The following FASTKD1 variants were observed in gnomAD, a reference collection of about 807,000 sequenced individuals.
FASTKD1 encodes the protein FAST kinase domain-containing protein 1, mitochondrial.
A neutral mutation model predicts 90.9 loss-of-function variants in FASTKD1; 94 were observed. The ratio of observed to expected loss-of-function variants is 1.03; its 90% CI spans 0.88 to 1.23. FASTKD1 has a LOEUF of 1.23. FASTKD1 is among the 50% of genes most tolerant of loss of function. FASTKD1 has a pLI of 0.00. For synonymous variants in FASTKD1, 319 were observed against 345.8 expected (o/e 0.92, Z 0.86); for missense variants, 945 against 993.5 (o/e 0.95, Z 0.66).
At chr2:169,557,742 CTAAGCACT>C (rs1683388208) in intron 5 of FASTKD1, among the ~76,000 whole-genome samples, 1 of 152,148 alleles carries the variant, frequency 6.6e-6, no homozygotes, top group Non-Finnish European at 1.5e-5. Context: ...ATCTCATATA[CTAAGCACT>C]TGATATAACA....
At position 169,560,883 on chromosome 2, in the gene FASTKD1, A is replaced by T. The variant is rs2105410677; in HGVS notation, c.573-98T>A. Reference sequence around the variant, plus strand: ...TTTTTTGTAGAAACAGAGTCTTGCTATGTTGCCAGGGCTGGTCTCAAACTC... The same window carrying T: ...TTTTTTGTAGAAACAGAGTCTTGCTTTGTTGCCAGGGCTGGTCTCAAACTC... On this transcript the variant is annotated intron_variant, in intron 4 of 14. Coordinates refer to ENST00000453153, the MANE Select transcript of FASTKD1 (RefSeq NM_024622.6). 1.2e-5 allele frequency: 12 copies of T among 981,946 alleles called. 1 individual carries two copies. The South Asian group carries it at 2.0e-4, about 16-fold the overall frequency. The allele number at this position is 981,946 out of a possible 1,614,324, so 60.8% of individuals were successfully genotyped here.
chr2:169,562,076 ATTAT>A (rs1683712090), intron 4 of FASTKD1, among the ~76,000 whole-genome samples: 2 of 133,608 alleles, frequency 1.5e-5, no homozygotes, highest in Admixed American at 8.0e-5. Context: ...TTGTAAAATA[ATTAT>A]TTATTAATTT....
intron 12 of FASTKD1, among the ~76,000 whole-genome samples, chr2:169,535,310 G>A (rs532230611): frequency 2.2e-4 from 33 of 151,778 alleles, no homozygotes; most frequent in African/African-American, 7.7e-4. Flanking sequence ...GCCTCCTAAT[G>A]GGACTACAGG....
At chr2:169,554,163 C>T (rs533778175) in intron 7 of FASTKD1, among the ~76,000 whole-genome samples, 33 of 148,464 alleles carry the variant, frequency 2.2e-4, no homozygotes, top group African/African-American at 3.2e-4. Context: ...GAGGCTGAGG[C>T]GGGAGGATCA....
At chr2:169,554,278 T>TAAAAAAAA (rs58641456) in intron 7 of FASTKD1, among the ~76,000 whole-genome samples, 2 of 29,782 alleles carry the variant, frequency 6.7e-5, no homozygotes, top group African/African-American at 3.3e-4. Flanking sequence ...ACCCTGTCTC[T>TAAAAAAAA]AAAAAAAAAA....
intron 2 of FASTKD1, among the ~76,000 whole-genome samples, chr2:169,569,875 T>C (rs1466826681): frequency 6.6e-6 from 1 of 151,984 alleles, no homozygotes; most frequent in Non-Finnish European, 1.5e-5. Context: ...AAAATATTTT[T>C]ATAAGAAAAT....
chr2:169,563,122 G>A (rs1202041880), intron 4 of FASTKD1, 103 bp downstream of exon 4: 1 of 1,140,816 alleles, frequency 8.8e-7, no homozygotes, highest in Non-Finnish European at 1.2e-6. Flanking sequence ...AAGAGCTTAA[G>A]TAACCTTAAG....
At chr2:169,540,287 G>C in intron 9 of FASTKD1, 108 bp from the exon 10 acceptor site, 1 of 1,101,648 alleles carries the variant, frequency 9.1e-7, no homozygotes, top group Non-Finnish European at 1.3e-6. Flanking sequence ...ACACAGCCTT[G>C]ACAAAACTAA....
chr2:169,572,557 T>C (rs1331903363), intron 1 of FASTKD1, among the ~76,000 whole-genome samples: 1 of 151,710 alleles, frequency 6.6e-6, no homozygotes, highest in African/African-American at 2.4e-5. Context: ...ATATACTTTT[T>C]TTTTTTAATT....
At chr2:169,545,589 G>A (rs973279413) in intron 8 of FASTKD1, among the ~76,000 whole-genome samples, 2 of 152,194 alleles carry the variant, frequency 1.3e-5, no homozygotes, top group South Asian at 2.1e-4. Flanking sequence ...CATTTTACAA[G>A]TCCCAGAAAT....
intron 11 of FASTKD1, among the ~76,000 whole-genome samples, 181 bp downstream of exon 11, chr2:169,537,832 C>A (rs1451106076): frequency 6.6e-6 from 1 of 152,078 alleles, no homozygotes; most frequent in East Asian, 1.9e-4. Flanking sequence ...AGGGTTATGT[C>A]CCAAATATGA....
At chr2:169,538,267 T>C (rs967844950) in intron 10 of FASTKD1, 126 bp from the exon 11 acceptor site, 43 of 765,676 alleles carry the variant, frequency 5.6e-5, no homozygotes, top group Non-Finnish European at 8.5e-5. Flanking sequence ...TAGAACTGTT[T>C]ACATTTCTAA....
At chr2:169,557,858 C>A (rs1239950623) in intron 5 of FASTKD1, among the ~76,000 whole-genome samples, 1 of 152,134 alleles carries the variant, frequency 6.6e-6, no homozygotes, top group Admixed American at 6.5e-5. Flanking sequence ...TACCATGATA[C>A]GTGTATTTTT....
At chr2:169,532,447 C>A (rs1027350173) in intron 12 of FASTKD1, among the ~76,000 whole-genome samples, 1 of 150,536 alleles carries the variant, frequency 6.6e-6, no homozygotes, top group African/African-American at 2.4e-5. Context: ...AGACAACCAG[C>A]CTTGTGTGCC....
chr2:169,563,137 A>G (rs1683782792), intron 4 of FASTKD1, 88 bp downstream of exon 4: 2 of 1,313,626 alleles, frequency 1.5e-6, no homozygotes, highest in Admixed American at 4.4e-5. Flanking sequence ...CTTAAGTCAC[A>G]TAAACTAAGA....
chr2:169,563,718 G>A (rs1037076339), intron 3 of FASTKD1, among the ~76,000 whole-genome samples: 12 of 151,800 alleles, frequency 7.9e-5, no homozygotes, highest in Non-Finnish European at 1.6e-4. Flanking sequence ...ACAAAAGAGA[G>A]GAAAAAGGAA....
At chr2:169,538,171 G>T in intron 10 of FASTKD1, 30 bp from the exon 11 acceptor site, 1 of 1,570,976 alleles carries the variant, frequency 6.4e-7, no homozygotes, top group South Asian at 1.2e-5. Flanking sequence ...AATGAATTTT[G>T]ATAGCTGAGA....
At chr2:169,554,621 TC>T (rs879255794) in intron 7 of FASTKD1, among the ~76,000 whole-genome samples, 15,143 of 136,862 alleles carry the variant, frequency 0.11, 1,050 homozygotes, top group Non-Finnish European at 0.15. Context: ...CCAAGATTGC[TC>T]CACTGCACTC....
chr2:169,546,285 C>A lies in FASTKD1; in HGVS notation c.1634G>T (p.Ser545Ile). ...TAGCAAAGTACTGAGGTAATCAGTACTAGAAATAAAAGATGCAATCTCCCC... is the reference window on the plus strand; with the variant it reads ...TAGCAAAGTACTGAGGTAATCAGTAATAGAAATAAAAGATGCAATCTCCCC... The part of the protein sequence containing the change: ...NVGEIASFIS[S>I]TDYLSTLLLD... The change falls in exon 8 of 15, where the codon AGT (serine) becomes ATT (isoleucine). Residue 545 changes from serine to isoleucine, a missense_variant. Physicochemically the swap from Ser to Ile is moderately radical, Grantham distance 142. Transcript: ENST00000453153. The A allele has an allele frequency of 6.2e-7, 1 of 1,613,476 alleles. No homozygotes were observed. The highest frequency in any genetic ancestry group is 8.5e-7 in the Non-Finnish European group (1 of 1,179,712).
Sources: gnomAD v4.1 joint callset for allele counts (sites outside exome capture counted in the v4.1 genomes callset) on GRCh38, gnomAD v4.1.1 for gene constraint, MANE v1.5 for transcripts, NCBI Gene and HGNC (gene_info 2026-07-23, HGNC 2026-07-21) for gene names.